Variants in CDH20 observed in about 807,000 individuals in gnomAD.
CDH20 encodes cadherin-20.
In CDH20, 29 loss-of-function variants were observed where a neutral mutation model predicts 74.2. The ratio of observed to expected loss-of-function variants is 0.39; its 90% CI spans 0.29 to 0.53. CDH20 has a LOEUF of 0.53. Ranked by LOEUF, CDH20 falls within the 20% of genes least tolerant of loss-of-function variation. CDH20 has a pLI of 0.69. For synonymous variants in CDH20, 469 were observed against 405.4 expected (o/e 1.16, Z -1.88); for missense variants, 988 against 1,048.3 (o/e 0.94, Z 0.79).
chr18:61,457,990 C>T (rs980419368), intron 1 of CDH20, among the ~76,000 whole-genome samples: 1 of 152,174 alleles, frequency 6.6e-6, no homozygotes, highest in Non-Finnish European at 1.5e-5. Context: ...CCTTCAAACA[C>T]TCTTAAATAA....
At chr18:61,536,096 T>A (rs545366387) in intron 7 of CDH20, among the ~76,000 whole-genome samples, 1 of 152,328 alleles carries the variant, frequency 6.6e-6, no homozygotes, top group South Asian at 2.1e-4. Flanking sequence ...CCTTTTCTAG[T>A]TTCAGATTAG....
intron 1 of CDH20, among the ~76,000 whole-genome samples, chr18:61,358,030 A>G (rs949617044): frequency 2.0e-5 from 3 of 151,832 alleles, no homozygotes; most frequent in African/African-American, 7.3e-5. Flanking sequence ...GTCAATTCCT[A>G]CAGGAGGCCT....
At chr18:61,431,128 C>T (rs951869817) in intron 1 of CDH20, among the ~76,000 whole-genome samples, 3 of 152,190 alleles carry the variant, frequency 2.0e-5, no homozygotes, top group Non-Finnish European at 2.9e-5. Flanking sequence ...TCCAGCACCA[C>T]ATAGTTCTTT....
rs145260774 is a variant in CDH20 at position 61,403,778 on chromosome 18, T to G, written c.-153+69951T>G. ...TACTGGGCATATATCCAAAGGAATA[T>G]AAATCATTCTATTACAAAGATACAA... On this transcript the variant is annotated intron_variant, in intron 1 of 11. Coordinates refer to ENST00000262717, the MANE Select transcript of CDH20 (RefSeq NM_031891.4). 1.3e-3 allele frequency among the ~76,000 whole-genome samples: 192 copies of G among 152,298 alleles called. 1 individual carries two copies. Among genetic ancestry groups the G allele is most frequent in the African/African-American group, 4.4e-3 (184 of 41,578 alleles).
At chr18:61,377,788 T>C (rs973686113) in intron 1 of CDH20, among the ~76,000 whole-genome samples, 6 of 152,034 alleles carry the variant, frequency 3.9e-5, no homozygotes, top group African/African-American at 1.4e-4. Flanking sequence ...GCCTACATCT[T>C]GAGGGAAGAA....
intron 1 of CDH20, among the ~76,000 whole-genome samples, chr18:61,434,203 A>G (rs1370534176): frequency 2.0e-5 from 3 of 152,142 alleles, no homozygotes; most frequent in Non-Finnish European, 4.4e-5. Context: ...CATGACATAA[A>G]TCTTGTCAGT....
At chr18:61,483,670 G>A (rs1418429445) in intron 1 of CDH20, among the ~76,000 whole-genome samples, 1 of 152,106 alleles carries the variant, frequency 6.6e-6, no homozygotes, top group South Asian at 2.1e-4. Flanking sequence ...CCTTGAAGGA[G>A]GAAAAGGAAA....
At chr18:61,366,814 A>T (rs1321880470) in intron 1 of CDH20, among the ~76,000 whole-genome samples, 1 of 152,110 alleles carries the variant, frequency 6.6e-6, no homozygotes, top group African/African-American at 2.4e-5. Flanking sequence ...TTGTAAAAAA[A>T]TCTCTTCCTG....
At chr18:61,554,123 ACTT>A (rs1055448661) in intron 11 of CDH20, 64 bp from the exon 12 acceptor site, 1 of 1,542,126 alleles carries the variant, frequency 6.5e-7, no homozygotes, top group African/African-American at 1.4e-5. Context: ...AATCAAGACT[ACTT>A]CTAGTCACCG....
chr18:61,400,318 T>G (rs1316197964), intron 1 of CDH20, among the ~76,000 whole-genome samples: 1 of 152,190 alleles, frequency 6.6e-6, no homozygotes, highest in African/African-American at 2.4e-5. Context: ...CTGTCAGGTC[T>G]AGACAGAGCA....
intron 9 of CDH20, among the ~76,000 whole-genome samples, chr18:61,541,945 C>T (rs1913056927): frequency 6.6e-6 from 1 of 151,932 alleles, no homozygotes; most frequent in South Asian, 2.1e-4. Context: ...GGAGAGCGGG[C>T]CATGCGCTCC....
At chr18:61,516,267 C>G (rs1236123801) in intron 6 of CDH20, among the ~76,000 whole-genome samples, 1 of 152,168 alleles carries the variant, frequency 6.6e-6, no homozygotes, top group African/African-American at 2.4e-5. Flanking sequence ...TTGCACTGTT[C>G]AATGTAACAA....
rs77665640 is a variant in CDH20 at position 61,345,398 on chromosome 18, T to C, written c.-153+11571T>C. ...TTGCTGGGCCTTGTGGCTTGCAGAGTTGAGGAAAGGCCTGTTTCTTCACCT... is the reference window on the plus strand; with the variant it reads ...TTGCTGGGCCTTGTGGCTTGCAGAGCTGAGGAAAGGCCTGTTTCTTCACCT... On this transcript the variant is annotated intron_variant, in intron 1 of 11. Transcript: ENST00000262717. Among the ~76,000 whole-genome samples, 1,374 of 152,114 alleles carry C rather than the reference T, an allele frequency of 9.0e-3. 20 individuals are homozygous for C. Among genetic ancestry groups the C allele is most frequent in the African/African-American group, 0.032 (1,319 of 41,486 alleles).
At chr18:61,436,724 G>C (rs1382385813) in intron 1 of CDH20, among the ~76,000 whole-genome samples, 3 of 152,106 alleles carry the variant, frequency 2.0e-5, no homozygotes, top group Non-Finnish European at 1.5e-5. Context: ...ATTGTCCCAA[G>C]AACCTCAGAT....
chr18:61,536,683 GA>G, intron 8 of CDH20, 54 bp downstream of exon 8: 1 of 1,514,418 alleles, frequency 6.6e-7, no homozygotes, highest in Non-Finnish European at 9.1e-7. Context: ...AGGTGTTATA[GA>G]AAGTGGAAGT....
At chr18:61,396,555 C>T (rs1361436361) in intron 1 of CDH20, among the ~76,000 whole-genome samples, 8 of 152,160 alleles carry the variant, frequency 5.3e-5, no homozygotes, top group Non-Finnish European at 8.8e-5. Flanking sequence ...ACAGCTCTCC[C>T]ACAGGGTTAC....
At chr18:61,406,759 T>C (rs903444904) in intron 1 of CDH20, among the ~76,000 whole-genome samples, 1 of 152,152 alleles carries the variant, frequency 6.6e-6, no homozygotes, top group Non-Finnish European at 1.5e-5. Context: ...GGCAGAGGAT[T>C]ATACAGCAAG....
At chr18:61,532,965 A>T (rs1472643229) in intron 7 of CDH20, among the ~76,000 whole-genome samples, 2 of 152,158 alleles carry the variant, frequency 1.3e-5, no homozygotes, top group South Asian at 4.1e-4. Context: ...TACCTCTTAA[A>T]TTATTACCTG....
intron 1 of CDH20, among the ~76,000 whole-genome samples, chr18:61,478,681 T>C (rs1910481341): frequency 6.6e-6 from 1 of 152,182 alleles, no homozygotes; most frequent in African/African-American, 2.4e-5. Flanking sequence ...AGCCTCTTCT[T>C]TAACCCCAGT....
Sources: gnomAD v4.1 joint callset for allele counts (sites outside exome capture counted in the v4.1 genomes callset) on GRCh38, gnomAD v4.1.1 for gene constraint, MANE v1.5 for transcripts, NCBI Gene and HGNC (gene_info 2026-07-23, HGNC 2026-07-21) for gene names.